The following FDFT1 variants were observed in gnomAD, a reference collection of about 807,000 sequenced individuals.
FDFT1 encodes the protein squalene synthase.
FDFT1 carries 68 observed loss-of-function variants against 46.8 expected under a neutral mutation model. The ratio of observed to expected loss-of-function variants is 1.45; its 90% CI spans 1.19 to 1.78. The LOEUF (loss-of-function observed/expected upper bound fraction) is 1.78, where lower values mean the gene tolerates loss of function less well. Ranked by LOEUF, FDFT1 falls within the 40% of genes most tolerant of loss-of-function variation. The pLI, the probability that FDFT1 is intolerant of heterozygous loss-of-function variation, is 0.00. For missense variants in FDFT1, 928 were observed against 524.4 expected (o/e 1.77, Z -7.52); for synonymous variants, 351 against 185.1 (o/e 1.90, Z -7.28).
At chr8:11,810,565 A>G (rs1441681553) in intron 3 of FDFT1, among the ~76,000 whole-genome samples, 2 of 152,178 alleles carry the variant, frequency 1.3e-5, no homozygotes, top group African/African-American at 2.4e-5. Context: ...TTCTGTAAGT[A>G]TTAGCTATTT....
intron 4 of FDFT1, among the ~76,000 whole-genome samples, chr8:11,823,369 T>G (rs1300975756): frequency 6.6e-6 from 1 of 152,244 alleles, no homozygotes. Context: ...GATAGTACTA[T>G]AGATATACTA....
intron 3 of FDFT1, among the ~76,000 whole-genome samples, chr8:11,820,211 G>A (rs1214818881): frequency 2.0e-5 from 3 of 152,094 alleles, no homozygotes; most frequent in Admixed American, 6.6e-5. Context: ...TCCTTCCTCT[G>A]GAAGCTTCGT....
intron 3 of FDFT1, among the ~76,000 whole-genome samples, chr8:11,812,149 A>G (rs1259008954): frequency 1.3e-5 from 2 of 152,190 alleles, no homozygotes; most frequent in Admixed American, 1.3e-4. Flanking sequence ...TCACTCCCAA[A>G]GGGGTGAGGG....
intron 2 of FDFT1, 55 bp downstream of exon 2, chr8:11,808,946 G>C: frequency 1.3e-6 from 2 of 1,579,268 alleles, no homozygotes; most frequent in Non-Finnish European, 8.6e-7. Context: ...CGGGACCTTT[G>C]AGTGTGTTGG....
intron 3 of FDFT1, among the ~76,000 whole-genome samples, chr8:11,817,846 G>C (rs1041346752): frequency 2.0e-5 from 3 of 147,232 alleles, no homozygotes; most frequent in Non-Finnish European, 4.5e-5. Flanking sequence ...AGGGTTTTTT[G>C]TGTGTCTATC....
At chr8:11,821,958 A>G (rs1039929751) in intron 4 of FDFT1, 80 bp downstream of exon 4, 2 of 1,535,676 alleles carry the variant, frequency 1.3e-6, no homozygotes, top group African/African-American at 2.7e-5. Flanking sequence ...AGAACAAGAA[A>G]AGTTGTCCAG....
upstream of FDFT1, among the ~76,000 whole-genome samples, chr8:11,801,204 T>C (rs1414276905): frequency 1.3e-5 from 2 of 151,990 alleles, no homozygotes; most frequent in South Asian, 2.1e-4. Flanking sequence ...GCATAAGAGA[T>C]GGAGGCCAGA....
At chr8:11,802,566 C>T (rs1806255124), upstream of FDFT1, 2 of 609,200 alleles carry the variant, frequency 3.3e-6, no homozygotes, top group East Asian at 3.3e-5. Context: ...AGTCTCCTTC[C>T]GCGACTGATT....
In FDFT1 at chr8:11,831,526, C is replaced by CA; in HGVS notation, c.889dup (p.Ile297AsnfsTer9). ...CTTCTTGTTGTCTCTAGGTGATGGC[C>CA]ATTGCCACTTTGGCTGCCTGTTATA... On this transcript the variant is annotated frameshift_variant, in exon 7 of 8. Transcript: ENST00000220584. LOFTEE classifies it high-confidence loss of function. 1 of 1,613,924 alleles carries CA rather than the reference C, an allele frequency of 6.2e-7. No homozygotes were observed. The highest frequency in any genetic ancestry group is 1.1e-5 in the South Asian group (1 of 91,056).
chr8:11,809,269 A>C, intron 2 of FDFT1: 1 of 1,111,606 alleles, frequency 9.0e-7, no homozygotes, highest in Non-Finnish European at 1.1e-6. Context: ...CATTACACCC[A>C]TGAACTTAGA....
intron 3 of FDFT1, among the ~76,000 whole-genome samples, chr8:11,818,006 A>G (rs1439835380): frequency 6.6e-6 from 1 of 152,186 alleles, no homozygotes; most frequent in Non-Finnish European, 1.5e-5. Context: ...TTAGTGCTAT[A>G]AATTTCCCTC....
At chr8:11,823,720 G>A (rs188695881) in intron 4 of FDFT1, among the ~76,000 whole-genome samples, 2 of 151,954 alleles carry the variant, frequency 1.3e-5, no homozygotes, top group Admixed American at 1.3e-4. Flanking sequence ...CAGGCACGTT[G>A]CCACCATGCC....
intron 6 of FDFT1, among the ~76,000 whole-genome samples, chr8:11,831,210 A>G (rs1810732555): frequency 2.0e-5 from 3 of 152,348 alleles, no homozygotes; most frequent in Admixed American, 6.5e-5. Context: ...CCGATAATCC[A>G]TTGCTCTAGC....
chr8:11,814,291 A>C (rs566231051), intron 3 of FDFT1, among the ~76,000 whole-genome samples: 152 of 144,834 alleles, frequency 1.0e-3, no homozygotes, highest in African/African-American at 3.8e-3. Flanking sequence ...TACCAGATTG[A>C]TTTTATAGGT....
chr8:11,803,695 C>A (rs528293262), intron 1 of FDFT1: 6 of 283,178 alleles, frequency 2.1e-5, no homozygotes, highest in Non-Finnish European at 2.6e-5. Context: ...ATTTCTGTAA[C>A]TTTTTTGGGC....
At chr8:11,829,019 C>A (rs1373681686) in intron 5 of FDFT1, among the ~76,000 whole-genome samples, 1 of 152,100 alleles carries the variant, frequency 6.6e-6, no homozygotes, top group Non-Finnish European at 1.5e-5. Context: ...TGGGTCTATG[C>A]TGAGAAGTGG....
chr8:11,824,643 C>G (rs554708704), intron 4 of FDFT1, among the ~76,000 whole-genome samples: 20 of 152,080 alleles, frequency 1.3e-4, no homozygotes, highest in African/African-American at 4.3e-4. Context: ...AAATCGACTT[C>G]TTTGTGCCTC....
At chr8:11,814,187 CACTGGT>C (rs1808124122) in intron 3 of FDFT1, among the ~76,000 whole-genome samples, 1 of 152,024 alleles carries the variant, frequency 6.6e-6, no homozygotes, top group Non-Finnish European at 1.5e-5. Flanking sequence ...CTTGTAGAAT[CACTGGT>C]TTGTTTCAGC....
In FDFT1 at chr8:11,813,554, A is replaced by G. The variant is rs141609000; in HGVS notation, c.381+3704A>G. ...CCCGTGAAGTTAAGTGACAGAATCAATGAATCTGGAAGGTCTGGCTTCAGA... is the reference window on the plus strand; with the variant it reads ...CCCGTGAAGTTAAGTGACAGAATCAGTGAATCTGGAAGGTCTGGCTTCAGA... On this transcript the variant is annotated intron_variant, in intron 3 of 7. Coordinates refer to ENST00000220584, the MANE Select transcript of FDFT1 (RefSeq NM_004462.5). 2.9e-3 allele frequency among the ~76,000 whole-genome samples: 449 copies of G among 152,340 alleles called. 2 individuals are homozygous for G. Among genetic ancestry groups the G allele is most frequent in the African/African-American group, 9.5e-3 (393 of 41,568 alleles).
Sources: allele counts gnomAD v4.1 joint callset (sites outside exome capture counted in the v4.1 genomes callset), GRCh38; gene constraint gnomAD v4.1.1; transcripts MANE v1.5; gene names NCBI Gene and HGNC (gene_info 2026-07-23, HGNC 2026-07-21).